The following CBL variants were observed in gnomAD, a reference collection of about 807,000 sequenced individuals.
CBL encodes E3 ubiquitin-protein ligase CBL.
Under a neutral mutation model 96.9 loss-of-function variants are expected in CBL, and 45 were observed. The ratio of observed to expected loss-of-function variants is 0.46; its 90% CI spans 0.37 to 0.60. The LOEUF is 0.60. CBL is among the 20% of genes least tolerant of loss of function. CBL has a pLI of 0.00. For missense variants in CBL, 1,024 were observed against 1,143.5 expected (o/e 0.90, Z 1.51); for synonymous variants, 420 against 426.8 (o/e 0.98, Z 0.20).
At chr11:119,221,457 G>T (rs1949410411) in intron 1 of CBL, among the ~76,000 whole-genome samples, 1 of 151,824 alleles carries the variant, frequency 6.6e-6, no homozygotes, top group Admixed American at 6.6e-5. Context: ...AAACAGTCAT[G>T]AGTTTTCGTT....
chr11:119,223,113 A>G (rs1449167657), intron 1 of CBL, among the ~76,000 whole-genome samples: 2 of 151,004 alleles, frequency 1.3e-5, no homozygotes, highest in African/African-American at 4.9e-5. Flanking sequence ...CCAGGAGTTC[A>G]AAGCATTTGA....
In CBL at chr11:119,278,585, G is replaced by A. The variant is rs1949908623; in HGVS notation, c.1303G>A (p.Asp435Asn). 1 of 1,614,046 alleles carries A rather than the reference G, an allele frequency of 6.2e-7. No homozygotes were observed. The highest frequency in any genetic ancestry group is 8.5e-7 in the Non-Finnish European group (1 of 1,180,030). Residue 435 changes from aspartate to asparagine, a missense_variant, in exon 9 of 16, where the codon GAT becomes AAT. Asp to Asn is a conservative substitution (Grantham distance 23). Coordinates refer to ENST00000264033, the MANE Select transcript of CBL (RefSeq NM_005188.4). The part of the protein sequence containing the change: ...GTEPIVVDPF[D>N]PRGSGSLLRQ... Reference sequence around the variant, plus strand: ...TGAACCCATCGTGGTAGATCCGTTTGATCCTAGAGGGAGTGGCAGCCTGTT... The same window carrying A: ...TGAACCCATCGTGGTAGATCCGTTTAATCCTAGAGGGAGTGGCAGCCTGTT...
intron 6 of CBL, among the ~76,000 whole-genome samples, chr11:119,277,239 G>GCACA (rs112214824): frequency 0.074 from 10,268 of 138,256 alleles, 548 homozygotes; most frequent in South Asian, 0.27. Flanking sequence ...AGAATCTGTC[G>GCACA]CGCACACACA....
intron 1 of CBL, among the ~76,000 whole-genome samples, chr11:119,225,724 CTTTTT>C (rs57084908): frequency 2.9e-5 from 3 of 102,454 alleles, no homozygotes; most frequent in African/African-American, 8.0e-5. Flanking sequence ...TAAATATTTT[CTTTTT>C]TTTTTTTTTT....
chr11:119,231,221 G>A (rs1275356221), intron 1 of CBL, among the ~76,000 whole-genome samples: 1 of 152,070 alleles, frequency 6.6e-6, no homozygotes, highest in Non-Finnish European at 1.5e-5. Flanking sequence ...TGGCCAACAT[G>A]GCGAAACCCC....
intron 4 of CBL, among the ~76,000 whole-genome samples, chr11:119,274,478 T>C (rs912159353): frequency 1.3e-5 from 2 of 152,218 alleles, no homozygotes; most frequent in African/African-American, 4.8e-5. Flanking sequence ...TCTGGTGTTG[T>C]CTGTGCCAAT....
rs1419131791 is a variant in CBL, at chr11:119,283,505, TC to T, written c.1432-1462del. On this transcript the variant is annotated intron_variant, in intron 9 of 15. Coordinates refer to ENST00000264033, the MANE Select transcript of CBL (RefSeq NM_005188.4). The stretch of plus-strand genomic sequence containing the variant: ...TTACTTTGACAAGCTTATCAGCTAT[TC>T]CTAAGCCTGCTATAGGCAGGGAAAT... 3.3e-5 allele frequency among the ~76,000 whole-genome samples: 5 copies of T among 152,208 alleles called. No homozygotes were observed. In the South Asian group the frequency reaches 6.2e-4, roughly 19 times the overall value.
intron 2 of CBL, among the ~76,000 whole-genome samples, chr11:119,270,241 C>CTT (rs768214554): frequency 2.6e-4 from 31 of 119,790 alleles, no homozygotes; most frequent in African/African-American, 3.8e-4. Context: ...TGTGTGACAT[C>CTT]TTTTTTTTTT....
intron 1 of CBL, among the ~76,000 whole-genome samples, chr11:119,219,387 AAAAGAAAG>A: frequency 6.6e-6 from 1 of 151,836 alleles, no homozygotes; most frequent in South Asian, 2.1e-4. Context: ...AAAAAAAAAA[AAAAGAAAG>A]AAAGAAAGAA....
At chr11:119,221,766 C>CAA (rs199581991) in intron 1 of CBL, among the ~76,000 whole-genome samples, 3 of 61,910 alleles carry the variant, frequency 4.8e-5, no homozygotes, top group Non-Finnish European at 6.7e-5. Flanking sequence ...GACTCCGTCT[C>CAA]AAAAAAAAAA....
chr11:119,267,504 AC>A, intron 2 of CBL, among the ~76,000 whole-genome samples: 1 of 152,188 alleles, frequency 6.6e-6, no homozygotes. Context: ...TTATTCCAAG[AC>A]CCACTCCCTG....
rs113078166 is a variant in CBL, at chr11:119,216,339, AATTTATTTATTTATTTATTT to A, written c.195+9756_195+9775del. On this transcript the variant is annotated intron_variant, in intron 1 of 15. Coordinates refer to ENST00000264033, the MANE Select transcript of CBL (RefSeq NM_005188.4). ...CCTCCTCCTCTCTTGGACTTATTGT[AATTTATTTATTTATTTATTT>A]ATTTATTTATTTATTTATTTATTTA... is the stretch of plus-strand genomic sequence containing the variant. 1.5e-3 allele frequency among the ~76,000 whole-genome samples: 213 copies of A among 144,122 alleles called. 3 individuals carry two copies. In the East Asian group the frequency reaches 0.027, roughly 18 times the overall value. 94.5% of individuals were successfully genotyped at this position (144,122 alleles called of 152,430 possible). A position where few individuals can be genotyped will look rare whatever the true frequency, so the allele number is the denominator to read the frequency against.
chr11:119,226,754 C>T (rs749542677), intron 1 of CBL, among the ~76,000 whole-genome samples: 30 of 152,108 alleles, frequency 2.0e-4, no homozygotes, highest in Non-Finnish European at 3.2e-4. Flanking sequence ...CACCACGCCC[C>T]GCCTGAAGCA....
intron 2 of CBL, among the ~76,000 whole-genome samples, chr11:119,256,305 G>A (rs746417559): frequency 1.7e-4 from 25 of 151,004 alleles, no homozygotes; most frequent in Non-Finnish European, 3.4e-4. Flanking sequence ...CCAGCCTCCC[G>A]AGTAGCTGGG....
chr11:119,274,081 C>CT lies in CBL; in HGVS notation c.747+74dup, dbSNP rs373788107. 0.037 allele frequency: 33,309 copies of CT among 908,952 alleles called. 25 individuals are homozygous for CT. The highest frequency in any genetic ancestry group is 0.048 in the Admixed American group (2,022 of 42,038). The allele number at this position is 908,952 out of a possible 1,614,324, so 56.3% of individuals were successfully genotyped here. On this transcript the variant is annotated intron_variant, in intron 4 of 15. Coordinates refer to ENST00000264033, the MANE Select transcript of CBL (RefSeq NM_005188.4). ...TACTGCTACTTCGGTGAAGAGAAAG[C>CT]TTTTTTTTTTTTTTTTTAAATAACA...
intron 4 of CBL, among the ~76,000 whole-genome samples, chr11:119,274,281 ATTC>A (rs1238845862): frequency 7.9e-5 from 12 of 152,136 alleles, no homozygotes; most frequent in African/African-American, 2.9e-4. Flanking sequence ...GTTATTGAAT[ATTC>A]TTCTTTTGTA....
intron 2 of CBL, among the ~76,000 whole-genome samples, chr11:119,259,840 T>C (rs1949740081): frequency 6.6e-6 from 1 of 152,218 alleles, no homozygotes; most frequent in Admixed American, 6.5e-5. Flanking sequence ...ACCTGTCACA[T>C]GGATTTATTC....
Position 119,238,808 on chromosome 11 carries a change from G to A in CBL, c.443+6113G>A, listed in dbSNP as rs115277051. Among the ~76,000 whole-genome samples, 1,132 of 152,264 alleles carry A rather than the reference G, an allele frequency of 7.4e-3. 19 individuals carry two copies. Among genetic ancestry groups the A allele is most frequent in the African/African-American group, 0.026 (1,075 of 41,554 alleles). On this transcript the variant is annotated intron_variant, in intron 2 of 15. Coordinates refer to ENST00000264033, the MANE Select transcript of CBL (RefSeq NM_005188.4). ...ATCAAGCCACTGCACTCCAGGCTGG[G>A]CAACGGAGCGAGAGTTCATCTCAAG...
In CBL at chr11:119,245,360, C is replaced by T. The variant is rs115058049; in HGVS notation, c.443+12665C>T. Among the ~76,000 whole-genome samples, 111 of 151,914 alleles carry T rather than the reference C, an allele frequency of 7.3e-4. 1 individual carries two copies. Among genetic ancestry groups the T allele is most frequent in the African/African-American group, 2.1e-3 (86 of 41,434 alleles). ...CATTTACCATATTTGATATTAAAACCGAGAGATTTAAAAATATTTAGGTTT... is the reference window on the plus strand; with the variant it reads ...CATTTACCATATTTGATATTAAAACTGAGAGATTTAAAAATATTTAGGTTT... On this transcript the variant is annotated intron_variant, in intron 2 of 15. Transcript: ENST00000264033.
Sources: allele counts gnomAD v4.1 joint callset (sites outside exome capture counted in the v4.1 genomes callset), GRCh38; gene constraint gnomAD v4.1.1; transcripts MANE v1.5; gene names NCBI Gene and HGNC (gene_info 2026-07-23, HGNC 2026-07-21).